Variants in PSMD8 observed in about 807,000 individuals in gnomAD.
PSMD8 encodes the protein 26S proteasome non-ATPase regulatory subunit 8.
PSMD8 carries 30 observed loss-of-function variants against 40.0 expected under a neutral mutation model. The ratio of observed to expected loss-of-function variants is 0.75; its 90% CI spans 0.56 to 1.02. The LOEUF is 1.02. Among genes scored for constraint, PSMD8 ranks in the 50% least tolerant of loss-of-function variants. The pLI is 0.00. For missense variants in PSMD8, 461 were observed against 463.9 expected, an observed-to-expected ratio of 0.99 and a Z score of 0.06; for synonymous variants, 208 against 192.5, an observed-to-expected ratio of 1.08 and a Z score of -0.67.
At chr19:38,381,466 TGAG>T (rs983854051) in intron 5 of PSMD8, among the ~76,000 whole-genome samples, 2 of 152,154 alleles carry the variant, frequency 1.3e-5, no homozygotes, top group Non-Finnish European at 2.9e-5. Context: ...ACAAATCCCT[TGAG>T]GAGTAAAAGG....
chr19:38,382,139 G>A lies in PSMD8; in HGVS notation c.826G>A (p.Glu276Lys), dbSNP rs1296543978. ...TIRDEIAGCI[E>K]KAYEKILFTE... is the part of the protein sequence containing the mutation. The stretch of plus-strand genomic sequence containing the variant: ...CAGGGATGAGATCGCTGGGTGCATC[G>A]AGAAGGCCTACGAGAAAATCCTTTT... The change falls in exon 6 of 7, where the codon GAG (glutamate) becomes AAG (lysine). Residue 276 changes from glutamate (E) to lysine (K), a missense_variant. Transcript: ENST00000215071. The A allele has an allele frequency of 2.5e-6, 4 of 1,579,324 alleles. No individual in the cohort carries two copies. The highest frequency in any genetic ancestry group is 2.3e-5 in the South Asian group (2 of 85,688).
chr19:38,374,592 T>G lies in PSMD8; in HGVS notation c.-10T>G. The stretch of plus-strand genomic sequence containing the variant: ...TCTTGAGTGACGACAGAGGCGGAGC[T>G]CCAACTGACATGTTCATTAAGGGCA... On this transcript the variant is annotated 5_prime_UTR_variant, in exon 1 of 7. Transcript: ENST00000215071. 1.4e-6 allele frequency: 2 copies of G among 1,454,246 alleles called. No homozygotes were observed. The highest frequency in any genetic ancestry group is 2.9e-5 in the African/African-American group (2 of 68,482). 90.1% of individuals were successfully genotyped at this position (1,454,246 alleles called of 1,614,324 possible). A position where few individuals can be genotyped will look rare whatever the true frequency, so the allele number is the denominator to read the frequency against.
At chr19:38,380,716 G>C (rs1451303254) in intron 4 of PSMD8, among the ~76,000 whole-genome samples, 183 bp from the exon 5 acceptor site, 1 of 151,012 alleles carries the variant, frequency 6.6e-6, no homozygotes, top group African/African-American at 2.4e-5. Flanking sequence ...GAGTGTGTGT[G>C]TGTGTGTGTG....
At chr19:38,381,811 AG>A (rs1391413495) in intron 5 of PSMD8, among the ~76,000 whole-genome samples, 2 of 152,144 alleles carry the variant, frequency 1.3e-5, no homozygotes, top group African/African-American at 2.4e-5. Context: ...TGTTATGAGA[AG>A]AGATGCCCTC....
At chr19:38,383,032 A>C (rs79520405) in intron 6 of PSMD8, among the ~76,000 whole-genome samples, 2 of 152,172 alleles carry the variant, frequency 1.3e-5, no homozygotes, top group African/African-American at 2.4e-5. Context: ...TGATTCACCA[A>C]ATCCTCACAG....
In PSMD8 at chr19:38,383,605, G is replaced by T. The variant is rs1970662447; in HGVS notation, c.*215G>T. On this transcript the variant is annotated 3_prime_UTR_variant, in exon 7 of 7. Coordinates refer to ENST00000215071, the MANE Select transcript of PSMD8 (RefSeq NM_002812.5). ...CTCCAACTGGGTCAGCCTCTGTCTG[G>T]TGGGCATTGCTCAGGGTCTCAAACA... is the stretch of plus-strand genomic sequence containing the variant. The T allele has an allele frequency of 3.2e-6, 2 of 634,686 alleles. No homozygotes were observed. The highest frequency in any genetic ancestry group is 5.3e-6 in the Non-Finnish European group (2 of 377,774). The allele number at this position is 634,686 out of a possible 1,614,324, so 39.3% of individuals were successfully genotyped here.
At chr19:38,375,433 T>G in intron 1 of PSMD8, 1 of 189,112 alleles carries the variant, frequency 5.3e-6, no homozygotes. Flanking sequence ...TTCGGGCTTT[T>G]CCTGATGGTG....
chr19:38,376,299 G>T (rs2302226), intron 2 of PSMD8, 53 bp from the exon 3 acceptor site: 39,371 of 1,535,218 alleles, frequency 0.026, 1,163 homozygotes, highest in East Asian at 0.15. Context: ...TAGCACTGGT[G>T]GTTGGGGAAG....
At chr19:38,379,684 G>A (rs561631189) in intron 4 of PSMD8, among the ~76,000 whole-genome samples, 58 of 152,314 alleles carry the variant, frequency 3.8e-4, no homozygotes, top group Non-Finnish European at 6.2e-4. Context: ...AGTGGCCTGC[G>A]CAGTCTGTCA....
chr19:38,382,934 G>T, intron 6 of PSMD8: 3 of 273,736 alleles, frequency 1.1e-5, no homozygotes, highest in East Asian at 7.0e-5. Context: ...AAAAAAAGAA[G>T]AAGGTGAAAT....
intron 5 of PSMD8, chr19:38,381,369 T>C (rs1378645268): frequency 5.5e-6 from 1 of 180,192 alleles, no homozygotes; most frequent in Non-Finnish European, 1.2e-5. Flanking sequence ...CAGTTTCTCC[T>C]TCTCTAGAAT....
intron 3 of PSMD8, among the ~76,000 whole-genome samples, 197 bp downstream of exon 3, chr19:38,376,651 T>G (rs1970600918): frequency 6.6e-6 from 1 of 152,120 alleles, no homozygotes; most frequent in Non-Finnish European, 1.5e-5. Context: ...CCCTACCCAT[T>G]CCCACATTGC....
At chr19:38,381,580 G>A (rs1970640790) in intron 5 of PSMD8, among the ~76,000 whole-genome samples, 1 of 152,212 alleles carries the variant, frequency 6.6e-6, no homozygotes, top group South Asian at 2.1e-4. Context: ...GCATTCGAGT[G>A]AGGAGTGGTA....
At chr19:38,380,153 G>A (rs952131031) in intron 4 of PSMD8, among the ~76,000 whole-genome samples, 1 of 152,122 alleles carries the variant, frequency 6.6e-6, no homozygotes, top group African/African-American at 2.4e-5. Flanking sequence ...CAGGCGGATG[G>A]TGGGTGCCTG....
chr19:38,375,836 C>A (rs1970593097), intron 1 of PSMD8, among the ~76,000 whole-genome samples: 1 of 152,186 alleles, frequency 6.6e-6, no homozygotes, highest in Admixed American at 6.5e-5. Flanking sequence ...GCTACCCCTT[C>A]CCCAATAGAT....
Position 38,374,785 on chromosome 19 carries a change from C to T in PSMD8, c.184C>T (p.Arg62Cys), listed in dbSNP as rs1441187204. The T allele has an allele frequency of 1.5e-5, 23 of 1,571,532 alleles. No homozygotes were observed. The highest frequency in any genetic ancestry group is 2.7e-5 in the African/African-American group (2 of 74,164). ...ATCAGGCGGTCTGCTTGCCGCATCA[C>T]GCAAGATGGCGGCCGCGGCGGTGAA... ...RKSGGLLAASRKMAAAAVNGA... is the reference protein window; with the variant it reads ...RKSGGLLAASCKMAAAAVNGA... Residue 62 changes from arginine (R) to cysteine (C), a missense_variant, in exon 1 of 7, where the codon CGC (arginine) becomes TGC (cysteine). Arg to Cys is a radical substitution (Grantham distance 180, BLOSUM62 -3). Coordinates refer to ENST00000215071, the MANE Select transcript of PSMD8 (RefSeq NM_002812.5).
intron 4 of PSMD8, 62 bp from the exon 5 acceptor site, chr19:38,380,837 A>G (rs577750113): frequency 1.1e-5 from 15 of 1,307,186 alleles, no homozygotes; most frequent in Non-Finnish European, 1.6e-5. Context: ...AGGCCCACAC[A>G]GGTAGGCCCC....
chr19:38,381,478 G>A (rs1308532960), intron 5 of PSMD8, among the ~76,000 whole-genome samples: 1 of 152,204 alleles, frequency 6.6e-6, no homozygotes, highest in Non-Finnish European at 1.5e-5. Flanking sequence ...AGGAGTAAAA[G>A]GGTGTCGAAG....
chr19:38,380,947 A>G lies in PSMD8; in HGVS notation c.751A>G (p.Ile251Val). The G allele has an allele frequency of 6.8e-7, 1 of 1,475,418 alleles. No homozygotes were observed. Among genetic ancestry groups the G allele is most frequent in the East Asian group, 2.6e-5 (1 of 38,604 alleles). The allele number at this position is 1,475,418 out of a possible 1,614,324, so 91.4% of individuals were successfully genotyped here. Residue 251 changes from isoleucine to valine, a missense_variant, in exon 5 of 7, where the codon ATC (isoleucine) becomes GTC (valine). This residue lies in a region of PSMD8 where 236 missense variants were observed against 321.2 expected (regional missense o/e 0.73). Transcript: ENST00000215071. ...YNKVFLAKGN[I>V]PAESYTFFID... Reference sequence around the variant, plus strand: ...CAAAGTGTTCCTGGCCAAGGGTAACATCCCCGCCGAGAGCTACACCTTCTT... The same window carrying G: ...CAAAGTGTTCCTGGCCAAGGGTAACGTCCCCGCCGAGAGCTACACCTTCTT...
Sources: gnomAD v4.1 joint callset for allele counts (sites outside exome capture counted in the v4.1 genomes callset) on GRCh38, gnomAD v4.1.1 for gene constraint, gnomAD v4.1.1 regional missense constraint, MANE v1.5 for transcripts, NCBI Gene and HGNC (gene_info 2026-07-23, HGNC 2026-07-21) for gene names.